The following PYGB variants were observed in gnomAD, a reference collection of about 807,000 sequenced individuals.
PYGB encodes glycogen phosphorylase, brain form.
A neutral mutation model predicts 94.3 loss-of-function variants in PYGB; 82 were observed. That is an observed-to-expected ratio of 0.87 (90% CI 0.73 to 1.04). The LOEUF (loss-of-function observed/expected upper bound fraction) is 1.04, where lower values mean the gene tolerates loss of function less well. Among genes scored for constraint, PYGB ranks in the 50% least tolerant of loss-of-function variants. The pLI is 0.00. For missense variants in PYGB, 1,132 were observed against 1,158.2 expected (o/e 0.98, Z 0.33); for synonymous variants, 488 against 479.1 (o/e 1.02, Z -0.24).
chr20:25,279,291 T>G, intron 9 of PYGB, 142 bp downstream of exon 9: 2 of 895,076 alleles, frequency 2.2e-6, no homozygotes, highest in Non-Finnish European at 1.7e-6. Context: ...ACGCGAGCTG[T>G]GGGAGGGGTC....
chr20:25,267,751 G>C (rs2088230506), intron 2 of PYGB, among the ~76,000 whole-genome samples: 1 of 152,082 alleles, frequency 6.6e-6, no homozygotes, highest in South Asian at 2.1e-4. Context: ...GGCTGGTCTT[G>C]AACTTCTAAG....
At chr20:25,252,033 G>A (rs528607662) in intron 1 of PYGB, among the ~76,000 whole-genome samples, 43 of 152,134 alleles carry the variant, frequency 2.8e-4, no homozygotes, top group Non-Finnish European at 1.0e-4. Context: ...ACCAGCCTCC[G>A]GAATCCTAAC....
chr20:25,258,639 A>T (rs1418985454), intron 1 of PYGB, among the ~76,000 whole-genome samples: 1 of 152,226 alleles, frequency 6.6e-6, no homozygotes. Flanking sequence ...CGTCCTTGAT[A>T]CAGCACCTCA....
At chr20:25,253,544 C>T (rs1022076447) in intron 1 of PYGB, among the ~76,000 whole-genome samples, 2 of 151,558 alleles carry the variant, frequency 1.3e-5, no homozygotes, top group Non-Finnish European at 2.9e-5. Context: ...CCCAGCTATT[C>T]GGGAGGCTGA....
At chr20:25,278,289 G>A (rs770520492) in intron 7 of PYGB, 30 bp from the exon 8 acceptor site, 3 of 1,007,066 alleles carry the variant, frequency 3.0e-6, no homozygotes, top group South Asian at 3.7e-5. Context: ...GGCCCAGCCT[G>A]CACCCTCCAG....
intron 15 of PYGB, among the ~76,000 whole-genome samples, chr20:25,288,777 G>C (rs775857654): frequency 2.0e-5 from 3 of 152,180 alleles, no homozygotes; most frequent in Non-Finnish European, 2.9e-5. Flanking sequence ...TTTGTGCCCA[G>C]TGGGCACAGG....
At position 25,271,477 on chromosome 20, in the gene PYGB, T is replaced by C. The variant is rs752872537; in HGVS notation, c.519T>C (p.Asn173=). The C allele has an allele frequency of 1.2e-6, 2 of 1,613,042 alleles. No homozygotes were observed. The highest frequency in any genetic ancestry group is 8.5e-7 in the Non-Finnish European group (1 of 1,178,950). ...EFGIFNQKIV[N]GWQVEEADDW... ...GGATTTTTAACCAGAAGATTGTCAATGGCTGGCAGGTGGGTGAGATTTCAT... is the reference window on the plus strand; with the variant it reads ...GGATTTTTAACCAGAAGATTGTCAACGGCTGGCAGGTGGGTGAGATTTCAT... The change falls in exon 4 of 20, where the codon AAT becomes AAC. Residue 173 remains asparagine, a synonymous_variant. Coordinates refer to ENST00000216962, the MANE Select transcript of PYGB (RefSeq NM_002862.4).
intron 14 of PYGB, among the ~76,000 whole-genome samples, chr20:25,286,610 T>TGCTGGGCCAAGGCCATGCTTCCCCA (rs1354022507): frequency 2.5e-4 from 38 of 152,320 alleles, no homozygotes; most frequent in Admixed American, 2.4e-3. Flanking sequence ...GCAGCTCCTC[T>TGCTGGGCCAAGGCCATGCTTCCCCA]GCTGGGCCAA....
At chr20:25,278,220 G>T in intron 7 of PYGB, 99 bp from the exon 8 acceptor site, 1 of 1,367,928 alleles carries the variant, frequency 7.3e-7, no homozygotes, top group East Asian at 2.6e-5. Flanking sequence ...GCTCCTCTCG[G>T]CCTTCTGCCT....
chr20:25,292,176 C>T (rs577353031), intron 16 of PYGB, among the ~76,000 whole-genome samples: 31 of 152,314 alleles, frequency 2.0e-4, no homozygotes, highest in Middle Eastern at 3.4e-3. Context: ...CCATCTTGGA[C>T]CTTCTGCCTC....
chr20:25,275,960 CA>C (rs2088307450), intron 5 of PYGB, among the ~76,000 whole-genome samples: 1 of 152,230 alleles, frequency 6.6e-6, no homozygotes, highest in Admixed American at 6.5e-5. Context: ...GGGATGAACC[CA>C]AGCATCCCTG....
intron 19 of PYGB, among the ~76,000 whole-genome samples, 187 bp from the exon 20 acceptor site, chr20:25,296,183 C>T (rs1442231125): frequency 1.3e-5 from 2 of 152,172 alleles, no homozygotes; most frequent in African/African-American, 2.4e-5. Context: ...ATCTAGAATG[C>T]GGTAGCTTTC....
Position 25,290,601 on chromosome 20 carries a change from C to T in PYGB, c.1948C>T (p.Arg650Cys), listed in dbSNP as rs200046910. The T allele has an allele frequency of 4.9e-5, 79 of 1,604,644 alleles. No individual in the cohort carries two copies. The highest frequency in any genetic ancestry group is 6.3e-5 in the Non-Finnish European group (74 of 1,172,066). Residue 650 changes from arginine (R) to cysteine (C), a missense_variant, in exon 16 of 20, where the codon CGT becomes TGT. Coordinates refer to ENST00000216962, the MANE Select transcript of PYGB (RefSeq NM_002862.4). The stretch of plus-strand genomic sequence containing the variant: ...GAAAGTGATCTTCCTGGAGAACTAC[C>T]GTGTGTCCTTGGCTGAGAAAGGTAA... ...RLKVIFLENY[R>C]VSLAEKVIPA... is the part of the protein sequence containing the mutation.
At chr20:25,270,026 C>G (rs2088251901) in intron 3 of PYGB, among the ~76,000 whole-genome samples, 1 of 152,164 alleles carries the variant, frequency 6.6e-6, no homozygotes, top group South Asian at 2.1e-4. Context: ...GATGTGCTTC[C>G]CTGCTGCAGG....
At position 25,294,139 on chromosome 20, in the gene PYGB, C is replaced by T; in HGVS notation, c.2178-19C>T. The T allele has an allele frequency of 6.2e-7, 1 of 1,612,218 alleles. No individual in the cohort carries two copies. The highest frequency in any genetic ancestry group is 8.5e-7 in the Non-Finnish European group (1 of 1,179,662). On this transcript the variant is annotated intron_variant, in intron 17 of 19. Coordinates refer to ENST00000216962, the MANE Select transcript of PYGB (RefSeq NM_002862.4). The stretch of plus-strand genomic sequence containing the variant: ...CACCTGGGGCGCTGGCTGCTGACTC[C>T]TGGCCCATCGCCTCACAGGTACAAT...
chr20:25,274,521 C>T (rs986862331), intron 4 of PYGB, 71 bp from the exon 5 acceptor site: 9 of 1,553,748 alleles, frequency 5.8e-6, no homozygotes, highest in South Asian at 1.2e-5. Context: ...GCACGGTCTG[C>T]TGGGTCCAGG....
At chr20:25,288,566 C>T (rs748957016) in intron 15 of PYGB, 83 bp downstream of exon 15, 35 of 1,469,712 alleles carry the variant, frequency 2.4e-5, no homozygotes, top group Non-Finnish European at 3.1e-5. Context: ...CTCATGGTGC[C>T]ACCACATCCA....
intron 17 of PYGB, 91 bp downstream of exon 17, chr20:25,292,704 G>A: frequency 6.9e-7 from 1 of 1,458,576 alleles, no homozygotes; most frequent in Non-Finnish European, 9.2e-7. Flanking sequence ...GGGCTCTTGG[G>A]GCCAGGCCAC....
chr20:25,271,734 G>A (rs188201290), intron 4 of PYGB, among the ~76,000 whole-genome samples: 26 of 152,310 alleles, frequency 1.7e-4, no homozygotes, highest in African/African-American at 5.8e-4. Flanking sequence ...AAGTTGGGGC[G>A]TGCAGGACAC....
Sources: allele counts gnomAD v4.1 joint callset (sites outside exome capture counted in the v4.1 genomes callset), GRCh38; gene constraint gnomAD v4.1.1; transcripts MANE v1.5; gene names NCBI Gene and HGNC (gene_info 2026-07-23, HGNC 2026-07-21).